FRMD6: variants seen among roughly 807,000 people sequenced by gnomAD.
The protein encoded by FRMD6 is FERM domain containing 6, also known as FERM domain-containing protein 6.
A neutral mutation model predicts 73.2 loss-of-function variants in FRMD6; 37 were observed. The observed-to-expected ratio is 0.51, with a 90% CI of 0.39 to 0.66. FRMD6 has a LOEUF of 0.66. FRMD6 is among the 30% of genes least tolerant of loss of function. The pLI is 0.00. For synonymous variants in FRMD6, 273 were observed against 282.2 expected (o/e 0.97, Z 0.33); for missense variants, 714 against 780.5 (o/e 0.91, Z 1.02).
intron 1 of FRMD6, among the ~76,000 whole-genome samples, chr14:51,663,701 A>G (rs1348173250): frequency 6.6e-6 from 1 of 152,184 alleles, no homozygotes; most frequent in Non-Finnish European, 1.5e-5. Context: ...CCATGACACA[A>G]GTTTATCTAT....
chr14:51,649,315 C>A (rs192038204), upstream of FRMD6, among the ~76,000 whole-genome samples: 1 of 152,222 alleles, frequency 6.6e-6, no homozygotes, highest in Admixed American at 6.5e-5. Flanking sequence ...AAAATATTCA[C>A]ATAGTGAATT....
At chr14:51,606,225 A>G (rs7152032) in intron 2 of FRMD6, among the ~76,000 whole-genome samples, 31,524 of 152,068 alleles carry the variant, frequency 0.21, 3,971 homozygotes, top group Non-Finnish European at 0.27. Flanking sequence ...CCACACAAAT[A>G]TCCTCAAACT....
intron 1 of FRMD6, among the ~76,000 whole-genome samples, chr14:51,499,185 T>C (rs1384463518): frequency 6.6e-6 from 1 of 152,206 alleles, no homozygotes; most frequent in Non-Finnish European, 1.5e-5. Context: ...GATGCTCCTT[T>C]TGTTCCAGAG....
At chr14:51,587,819 T>A (rs1041334865) in intron 2 of FRMD6, among the ~76,000 whole-genome samples, 2 of 152,200 alleles carry the variant, frequency 1.3e-5, no homozygotes, top group African/African-American at 4.8e-5. Flanking sequence ...AAGTGGTCCC[T>A]GTCCATGAAA....
chr14:51,636,117 T>C (rs925706268), intron 2 of FRMD6, among the ~76,000 whole-genome samples: 1 of 152,182 alleles, frequency 6.6e-6, no homozygotes, highest in Non-Finnish European at 1.5e-5. Context: ...GTCTGTGTCT[T>C]GGGCCTCAGG....
At chr14:51,550,579 G>GA (rs1480285977) in intron 1 of FRMD6, among the ~76,000 whole-genome samples, 5 of 65,020 alleles carry the variant, frequency 7.7e-5, no homozygotes, top group South Asian at 7.5e-4. Context: ...CTTGGGAGGA[G>GA]ACCCCCCCGC....
the FRMD6 span, among the ~76,000 whole-genome samples, chr14:51,411,418 G>C: frequency 2.6e-5 from 4 of 152,186 alleles, no homozygotes; most frequent in Non-Finnish European, 5.9e-5. Context: ...TGCAGAAAGA[G>C]GCAGTCGGTG....
At chr14:51,472,778 A>G in the FRMD6 span, among the ~76,000 whole-genome samples, 1 of 152,170 alleles carries the variant, frequency 6.6e-6, no homozygotes, top group African/African-American at 2.4e-5. Flanking sequence ...TTTCTGGTTC[A>G]TGTAAATCTT....
At chr14:51,633,120 T>A (rs1444108134) in intron 2 of FRMD6, among the ~76,000 whole-genome samples, 2 of 150,506 alleles carry the variant, frequency 1.3e-5, no homozygotes, top group East Asian at 3.8e-4. Flanking sequence ...CTGTTCAATC[T>A]AATGGGATAT....
intron 2 of FRMD6, among the ~76,000 whole-genome samples, chr14:51,614,424 G>A (rs761419632): frequency 3.3e-5 from 5 of 151,904 alleles, no homozygotes; most frequent in Admixed American, 6.6e-5. Flanking sequence ...TATTTTCACC[G>A]GTCACACTAT....
chr14:51,537,475 G>T (rs926474693), intron 1 of FRMD6, among the ~76,000 whole-genome samples: 5 of 152,202 alleles, frequency 3.3e-5, no homozygotes, highest in Admixed American at 2.0e-4. Flanking sequence ...TCTATGTGCA[G>T]AATTTTATGT....
At chr14:51,540,969 A>G (rs1596561099) in intron 1 of FRMD6, among the ~76,000 whole-genome samples, 1 of 152,130 alleles carries the variant, frequency 6.6e-6, no homozygotes, top group East Asian at 1.9e-4. Flanking sequence ...ATTAAGGTAA[A>G]CACCATGCAA....
chr14:51,489,481 AT>A (rs1882869559), intron 1 of FRMD6: 1 of 152,556 alleles, frequency 6.6e-6, no homozygotes, highest in Non-Finnish European at 1.5e-5. Flanking sequence ...GACAAATTTA[AT>A]GTTAAATTCC....
intron 2 of FRMD6, among the ~76,000 whole-genome samples, chr14:51,615,532 G>A (rs1890675920): frequency 6.6e-6 from 1 of 152,158 alleles, no homozygotes; most frequent in East Asian, 1.9e-4. Flanking sequence ...GGGGCCTGCA[G>A]GAATGAAAAT....
At chr14:51,724,008 A>G (rs1353743685) in intron 12 of FRMD6, 1 of 152,206 alleles carries the variant, frequency 6.6e-6, no homozygotes, top group Non-Finnish European at 1.5e-5. Flanking sequence ...GGTTATAGAT[A>G]TAGATGATTT....
At chr14:51,653,568 A>G (rs1052328120) in intron 1 of FRMD6, among the ~76,000 whole-genome samples, 4 of 152,190 alleles carry the variant, frequency 2.6e-5, no homozygotes, top group Non-Finnish European at 5.9e-5. Context: ...AATTTAGAGC[A>G]TTATGAGACT....
At chr14:51,702,625 T>A (rs758820405) in intron 5 of FRMD6, 37 bp downstream of exon 5, 1 of 1,506,446 alleles carries the variant, frequency 6.6e-7, no homozygotes, top group Non-Finnish European at 9.2e-7. Context: ...CGCTTTTTTT[T>A]CCCCCATAGC....
At chr14:51,704,984 T>TATTGTTGCTACTC in intron 6 of FRMD6, 49 bp downstream of exon 6, 1 of 1,522,674 alleles carries the variant, frequency 6.6e-7, no homozygotes, top group Non-Finnish European at 9.0e-7. Flanking sequence ...CGGGCATTTC[T>TATTGTTGCTACTC]AGTTCGTAGT....
chr14:51,610,383 AAG>A (rs1034092147), intron 2 of FRMD6, among the ~76,000 whole-genome samples: 3 of 151,850 alleles, frequency 2.0e-5, no homozygotes, highest in African/African-American at 7.3e-5. Flanking sequence ...CAAACAGAAA[AAG>A]AGATAAATGC....
Sources: gnomAD v4.1 joint callset for allele counts (sites outside exome capture counted in the v4.1 genomes callset) on GRCh38, gnomAD v4.1.1 for gene constraint, MANE v1.5 for transcripts, NCBI Gene and HGNC (gene_info 2026-07-23, HGNC 2026-07-21) for gene names.